The following FAM83A variants were observed in gnomAD, a reference collection of about 807,000 sequenced individuals.
FAM83A encodes the protein scaffolding CK1 anchoring protein A, also known as protein FAM83A.
FAM83A carries 21 observed loss-of-function variants against 24.4 expected under a neutral mutation model. That is an observed-to-expected ratio of 0.86 (90% CI 0.61 to 1.24). The LOEUF (loss-of-function observed/expected upper bound fraction) is 1.24. Ranked by LOEUF, FAM83A falls within the 50% of genes most tolerant of loss-of-function variation. FAM83A has a pLI of 0.00. For synonymous variants in FAM83A, 270 were observed against 252.4 expected (o/e 1.07, Z -0.66); for missense variants, 617 against 579.8 (o/e 1.06, Z -0.66).
chr8:123,187,057 G>A (rs1823825600), intron 1 of FAM83A, among the ~76,000 whole-genome samples: 1 of 152,198 alleles, frequency 6.6e-6, no homozygotes, highest in Admixed American at 6.5e-5. Flanking sequence ...GGTGGTCTCG[G>A]AGTAGAGTCT....
exon 4 of FAM83A, chr8:123,208,879 G>T (rs1264445874): frequency 1.0e-6 from 1 of 963,302 alleles, no homozygotes; most frequent in Non-Finnish European, 1.2e-6. Context: ...CAGGAGAATT[G>T]CTTGAACCCA....
upstream of FAM83A, chr8:123,182,320 C>T (rs973299329): frequency 2.8e-6 from 1 of 356,796 alleles, no homozygotes; most frequent in Non-Finnish European, 5.6e-6. Context: ...GAGGGGGGCG[C>T]ATCTCAGGGA....
chr8:123,181,880 GT>G, upstream of FAM83A: 1 of 359,754 alleles, frequency 2.8e-6, no homozygotes, highest in Non-Finnish European at 5.7e-6. Context: ...CTCAGAGCCT[GT>G]TTCCAGCAGA....
chr8:123,183,670 T>A (rs1428025126), intron 1 of FAM83A, among the ~76,000 whole-genome samples: 1 of 151,556 alleles, frequency 6.6e-6, no homozygotes, highest in Non-Finnish European at 1.5e-5. Context: ...TTTTTTCTTT[T>A]CTTTTTTTCT....
chr8:123,187,300 T>TCCCTGGGGC (rs1170755997), intron 1 of FAM83A, among the ~76,000 whole-genome samples: 1 of 152,032 alleles, frequency 6.6e-6, no homozygotes, highest in Non-Finnish European at 1.5e-5. Context: ...ATCCCTGAGG[T>TCCCTGGGGC]CCCTGGGGCC....
intron 3 of FAM83A, among the ~76,000 whole-genome samples, chr8:123,206,394 T>C (rs145071670): frequency 1.9e-4 from 29 of 152,292 alleles, no homozygotes; most frequent in African/African-American, 6.7e-4. Context: ...TGGAGCCGAA[T>C]CCTCTTTCAG....
exon 4 of FAM83A, chr8:123,207,853 G>A: frequency 1.4e-6 from 2 of 1,383,460 alleles, no homozygotes; most frequent in South Asian, 3.6e-5. Flanking sequence ...CCACTTGCCG[G>A]CCCCCACCAG....
chr8:123,208,492 C>A (rs1270819866), exon 4 of FAM83A: 2 of 985,430 alleles, frequency 2.0e-6, no homozygotes, highest in East Asian at 2.3e-4. Flanking sequence ...AGTGCCCAGG[C>A]CAGTCTTGAG....
intron 1 of FAM83A, among the ~76,000 whole-genome samples, chr8:123,189,137 G>C (rs564096011): frequency 6.6e-6 from 1 of 152,386 alleles, no homozygotes; most frequent in South Asian, 2.1e-4. Flanking sequence ...GCTGCTTTCA[G>C]TGCTATAAGG....
At chr8:123,191,369 G>A (rs1459462327) in intron 1 of FAM83A, among the ~76,000 whole-genome samples, 1 of 152,116 alleles carries the variant, frequency 6.6e-6, no homozygotes, top group African/African-American at 2.4e-5. Context: ...AGGATTCCAC[G>A]GCTTAACAGC....
At chr8:123,203,470 C>T (rs1824428029) in intron 3 of FAM83A, among the ~76,000 whole-genome samples, 1 of 151,440 alleles carries the variant, frequency 6.6e-6, no homozygotes. Flanking sequence ...TGCCTGTAGT[C>T]CCAACTACTC....
chr8:123,205,433 C>T (rs553623294), intron 3 of FAM83A, among the ~76,000 whole-genome samples: 3 of 152,358 alleles, frequency 2.0e-5, no homozygotes, highest in African/African-American at 7.2e-5. Context: ...CAACTGCTCA[C>T]CTCTCTGGGG....
chr8:123,198,362 C>T (rs1038856198), intron 3 of FAM83A, among the ~76,000 whole-genome samples: 5 of 152,094 alleles, frequency 3.3e-5, no homozygotes, highest in African/African-American at 1.2e-4. Flanking sequence ...GGCCTGGGAA[C>T]ACAGGCATTT....
At chr8:123,205,525 C>T (rs1824520055) in intron 3 of FAM83A, among the ~76,000 whole-genome samples, 1 of 152,218 alleles carries the variant, frequency 6.6e-6, no homozygotes. Flanking sequence ...TTGTGCGGCC[C>T]CGCCCTGCCT....
Position 123,209,008 on chromosome 8 carries a change from C to G in FAM83A, c.*1320C>G, listed in dbSNP as rs559849372. 1.0e-6 allele frequency: 1 copy of G among 987,916 alleles called. No individual in the cohort carries two copies. The highest frequency in any genetic ancestry group is 1.2e-6 in the Non-Finnish European group (1 of 832,170). 61.2% of individuals were successfully genotyped at this position (987,916 alleles called of 1,614,324 possible). ...AGAGAGAGCATAGAGGAGGGTTGGCCAGCCCTGTGGTGGGTGGGATGTCAG... is the reference window on the plus strand; with the variant it reads ...AGAGAGAGCATAGAGGAGGGTTGGCGAGCCCTGTGGTGGGTGGGATGTCAG... On this transcript the variant is annotated 3_prime_UTR_variant, in exon 4 of 4. Coordinates refer to ENST00000690554, the Ensembl canonical transcript of FAM83A. This position sits in a 1 kb window ranked among gnomAD's most constrained non-coding sequence, Gnocchi z 4.7.
At chr8:123,184,297 C>A (rs971614007) in intron 1 of FAM83A, among the ~76,000 whole-genome samples, 1 of 152,048 alleles carries the variant, frequency 6.6e-6, no homozygotes, top group Non-Finnish European at 1.5e-5. Flanking sequence ...AGGTGCCCAC[C>A]TCTGCGCTTC....
chr8:123,180,654 AC>A (rs1823573787), upstream of FAM83A: 1 of 152,502 alleles, frequency 6.6e-6, no homozygotes, highest in African/African-American at 2.4e-5. Flanking sequence ...CCTGAGGAGG[AC>A]ACAGACCAGA....
Position 123,209,003 on chromosome 8 carries a change from T to C in FAM83A, c.*1315T>C, listed in dbSNP as rs982486406. The C allele has an allele frequency of 1.0e-6, 1 of 982,890 alleles. No homozygotes were observed. Among genetic ancestry groups the C allele is most frequent in the Non-Finnish European group, 1.2e-6 (1 of 830,910 alleles). The allele number at this position is 982,890 out of a possible 1,614,324, so 60.9% of individuals were successfully genotyped here. ...AAAAGAGAGAGAGCATAGAGGAGGGTTGGCCAGCCCTGTGGTGGGTGGGAT... is the reference window on the plus strand; with the variant it reads ...AAAAGAGAGAGAGCATAGAGGAGGGCTGGCCAGCCCTGTGGTGGGTGGGAT... On this transcript the variant is annotated 3_prime_UTR_variant, in exon 4 of 4. Coordinates refer to ENST00000690554, the Ensembl canonical transcript of FAM83A. The surrounding 1 kb of genome is among the most constrained non-coding windows in gnomAD (Gnocchi z 4.7).
chr8:123,209,185 T>A lies in FAM83A; in HGVS notation c.*1497T>A. The A allele has an allele frequency of 1.8e-6, 2 of 1,139,912 alleles. No homozygotes were observed. The highest frequency in any genetic ancestry group is 9.2e-5 in the East Asian group (2 of 21,736). 70.6% of individuals were successfully genotyped at this position (1,139,912 alleles called of 1,614,324 possible). ...CTAGGCCCTCTCCTCCCTTGTCGGT[T>A]TTTGGCGGGGAAGCTCAGCCTTCGC... On this transcript the variant is annotated 3_prime_UTR_variant, in exon 4 of 4. Transcript: ENST00000690554. The surrounding 1 kb of genome is among the most constrained non-coding windows in gnomAD (Gnocchi z 4.7).
Sources: gnomAD v4.1 joint callset for allele counts (sites outside exome capture counted in the v4.1 genomes callset) on GRCh38, gnomAD v4.1.1 for gene constraint, Gnocchi (gnomAD v3.1) non-coding constraint, MANE v1.5 for transcripts, NCBI Gene and HGNC (gene_info 2026-07-23, HGNC 2026-07-21) for gene names.